The following NPC1 variants were observed in gnomAD, a reference collection of about 807,000 sequenced individuals.
The protein encoded by NPC1 is NPC intracellular cholesterol transporter 1, also known as Niemann-Pick C1 protein.
Under a neutral mutation model 140.4 loss-of-function variants are expected in NPC1, and 85 were observed. The observed-to-expected ratio is 0.61, with a 90% CI of 0.51 to 0.72. NPC1 has a LOEUF of 0.72. Among genes scored for constraint, NPC1 ranks in the 30% least tolerant of loss-of-function variants. The pLI is 0.00. For synonymous variants in NPC1, 656 were observed against 624.8 expected, an observed-to-expected ratio of 1.05 and a Z score of -0.74; for missense variants, 1,504 against 1,623.8, an observed-to-expected ratio of 0.93 and a Z score of 1.27.
intron 3 of NPC1, among the ~76,000 whole-genome samples, chr18:23,513,268 T>G (rs1262222474): frequency 1.3e-5 from 2 of 152,242 alleles, no homozygotes; most frequent in African/African-American, 2.4e-5. Flanking sequence ...TTGATTACCT[T>G]TTATACTTCA....
At chr18:23,522,133 G>A (rs533630575), downstream of NPC1, among the ~76,000 whole-genome samples, 1 of 152,358 alleles carries the variant, frequency 6.6e-6, no homozygotes, top group South Asian at 2.1e-4. Context: ...GCCCTGTCTT[G>A]CTGGACCAGC....
chr18:23,573,454 G>T lies in NPC1; in HGVS notation c.178C>A (p.Gln60Lys). The change falls in exon 2 of 25, where the codon CAG (glutamine) becomes AAG (lysine). Residue 60 changes from glutamine to lysine, a missense_variant and splice_region_variant. Coordinates refer to ENST00000269228, the MANE Select transcript of NPC1 (RefSeq NM_000271.5). Reference protein sequence around the residue: ...PLPKDGYDLVQELCPGFFFGN... With the variant: ...PLPKDGYDLVKELCPGFFFGN... ...AGTGCCTAAGATAATGAACTTACCT[G>T]CACTAAGTCATATCCATCCTTTGGC... The T allele has an allele frequency of 6.2e-7, 1 of 1,614,104 alleles. No individual in the cohort carries two copies. Among genetic ancestry groups the T allele is most frequent in the Non-Finnish European group, 8.5e-7 (1 of 1,179,990 alleles).
At chr18:23,547,013 T>G (rs1237151948) in intron 11 of NPC1, among the ~76,000 whole-genome samples, 1 of 152,188 alleles carries the variant, frequency 6.6e-6, no homozygotes, top group East Asian at 1.9e-4. Flanking sequence ...TTTAGAGACA[T>G]GCAAACATTG....
chr18:23,532,045 A>C lies in NPC1; in HGVS notation c.*157T>G, dbSNP rs1392511984. 6.3e-7 allele frequency: 1 copy of C among 1,574,854 alleles called. No individual in the cohort carries two copies. Among genetic ancestry groups the C allele is most frequent in the Non-Finnish European group, 8.6e-7 (1 of 1,162,326 alleles). ...ATACTGCTTCCCAAGTCAACTGTGC[A>C]TTCCTGAGTTCACAGGCGCTACGTT... On this transcript the variant is annotated 3_prime_UTR_variant, in exon 25 of 25. Coordinates refer to ENST00000269228, the MANE Select transcript of NPC1 (RefSeq NM_000271.5).
chr18:23,507,345 G>T (rs530471003), intron 3 of NPC1, among the ~76,000 whole-genome samples: 1 of 151,982 alleles, frequency 6.6e-6, no homozygotes, highest in Non-Finnish European at 1.5e-5. Flanking sequence ...CTGCAGCCTC[G>T]ATCTCTCAGG....
Position 23,554,695 on chromosome 18 carries a change from G to A in NPC1, c.1553+63C>T, listed in dbSNP as rs186779779. On this transcript the variant is annotated intron_variant, in intron 9 of 24. Coordinates refer to ENST00000269228, the MANE Select transcript of NPC1 (RefSeq NM_000271.5). The stretch of plus-strand genomic sequence containing the variant: ...GGTTATGCTCATAAAACAAGCTTTT[G>A]CCCATGTACCCTAAGTCAGACCCAA... The A allele has an allele frequency of 1.1e-3, 1,332 of 1,262,676 alleles. 3 individuals carry two copies. The highest frequency in any genetic ancestry group is 2.4e-3 in the Admixed American group (129 of 54,610). 78.2% of individuals were successfully genotyped at this position (1,262,676 alleles called of 1,614,324 possible).
downstream of NPC1, chr18:23,518,916 T>A: frequency 6.2e-7 from 1 of 1,614,192 alleles, no homozygotes; most frequent in Non-Finnish European, 8.5e-7. Flanking sequence ...GTTCTCTTCT[T>A]GAGGCATCAT....
At chr18:23,542,314 T>C (rs1220263327) in intron 14 of NPC1, among the ~76,000 whole-genome samples, 1 of 152,040 alleles carries the variant, frequency 6.6e-6, no homozygotes, top group African/African-American at 2.4e-5. Flanking sequence ...GGCTACAGGT[T>C]TCAAAAGCAC....
At chr18:23,528,169 T>C (rs1177736303), downstream of NPC1, 1 of 334,314 alleles carries the variant, frequency 3.0e-6, no homozygotes, top group African/African-American at 2.1e-5. Flanking sequence ...TGCCTGTAGA[T>C]CCTTGGTCTA....
intron 1 of NPC1, among the ~76,000 whole-genome samples, chr18:23,583,933 T>G (rs1196935931): frequency 6.6e-6 from 1 of 152,188 alleles, no homozygotes; most frequent in Non-Finnish European, 1.5e-5. Flanking sequence ...TCTTAATCAC[T>G]CACAGGTCAA....
chr18:23,550,017 C>G (rs2058845740), intron 10 of NPC1, among the ~76,000 whole-genome samples: 1 of 150,752 alleles, frequency 6.6e-6, no homozygotes, highest in South Asian at 2.1e-4. Context: ...ATATTTTTGT[C>G]CAGTTTTTTT....
At chr18:23,521,371 C>T (rs907270466), downstream of NPC1, among the ~76,000 whole-genome samples, 1 of 152,198 alleles carries the variant, frequency 6.6e-6, no homozygotes, top group East Asian at 1.9e-4. Context: ...TGCCTTAGCT[C>T]TGTAACGCTG....
At position 23,533,495 on chromosome 18, in the gene NPC1, G is replaced by T. The variant is rs758902805; in HGVS notation, c.3614C>A (p.Thr1205Lys). ...CAACACCACAATCCCTCCAAATTTTGTAAGTGTGATTCCACTGAACACCTA... is the reference window on the plus strand; with the variant it reads ...CAACACCACAATCCCTCCAAATTTTTTAAGTGTGATTCCACTGAACACCTA... ...GSSVFSGITL[T>K]KFGGIVVLAF... The change falls in exon 24 of 25, where the codon ACA becomes AAA. Residue 1205 changes from threonine to lysine, a missense_variant. Coordinates refer to ENST00000269228, the MANE Select transcript of NPC1 (RefSeq NM_000271.5). 6.2e-6 allele frequency: 10 copies of T among 1,614,080 alleles called. No individual in the cohort carries two copies. The highest frequency in any genetic ancestry group is 8.5e-6 in the Non-Finnish European group (10 of 1,180,016).
In NPC1 at chr18:23,531,685, T is replaced by C. The variant is rs144687654; in HGVS notation, c.*517A>G. Reference sequence around the variant, plus strand: ...CAGATTTTTGGAGACCAAGCTCTAATGAGGCCTACAACATTCTGAAATCAC... The same window carrying C: ...CAGATTTTTGGAGACCAAGCTCTAACGAGGCCTACAACATTCTGAAATCAC... On this transcript the variant is annotated 3_prime_UTR_variant, in exon 25 of 25. Coordinates refer to ENST00000269228, the MANE Select transcript of NPC1 (RefSeq NM_000271.5). 3 of 1,613,134 alleles carry C rather than the reference T, an allele frequency of 1.9e-6. No individual in the cohort carries two copies. In the South Asian group the frequency reaches 3.3e-5, roughly 18 times the overall value.
chr18:23,536,570 A>T lies in NPC1; in HGVS notation c.3245+103T>A, dbSNP rs563523869. On this transcript the variant is annotated intron_variant, in intron 21 of 24. Coordinates refer to ENST00000269228, the MANE Select transcript of NPC1 (RefSeq NM_000271.5). Reference sequence around the variant, plus strand: ...GTGCTCAGAATGGAGCAGGGGCCAGAACCCAACCTGAAAATCAGCATCTTG... The same window carrying T: ...GTGCTCAGAATGGAGCAGGGGCCAGTACCCAACCTGAAAATCAGCATCTTG... 2.3e-4 allele frequency: 227 copies of T among 1,007,430 alleles called. 2 individuals carry two copies. The African/African-American group carries it at 2.8e-3, about 13-fold the overall frequency. The allele number at this position is 1,007,430 out of a possible 1,614,324, so 62.4% of individuals were successfully genotyped here.
intron 5 of NPC1, 65 bp downstream of exon 5, chr18:23,561,295 C>T: frequency 6.4e-7 from 1 of 1,555,532 alleles, no homozygotes; most frequent in Non-Finnish European, 8.9e-7. Context: ...GCCACTGTGC[C>T]CAGCCAGTTC....
At chr18:23,559,366 A>C (rs1213616236) in intron 6 of NPC1, among the ~76,000 whole-genome samples, 1 of 152,228 alleles carries the variant, frequency 6.6e-6, no homozygotes, top group Admixed American at 6.5e-5. Context: ...TTTTTGGTTA[A>C]GTCTACAATT....
rs533668351 is a variant in NPC1, at chr18:23,546,077, C to T, written c.1758-928G>A. On this transcript the variant is annotated intron_variant, in intron 11 of 24. Transcript: ENST00000269228. ...TAGCCTGGCCAACATGGTGAAAGCC[C>T]GTCTCTACTAAAAATACAAAAATTA... 1.1e-3 allele frequency among the ~76,000 whole-genome samples: 160 copies of T among 151,658 alleles called. 3 individuals are homozygous for T. In the South Asian group the frequency reaches 0.021, roughly 20 times the overall value.
In NPC1 at chr18:23,583,868, G is replaced by C. The variant is rs542065095; in HGVS notation, c.57+2419C>G. ...ATTTCTGATCACAGCATCAGTCAAG[G>C]AGTGGGAAAGATGGGGAAAGATTTC... On this transcript the variant is annotated intron_variant, in intron 1 of 24. Transcript: ENST00000269228. 6.6e-5 allele frequency among the ~76,000 whole-genome samples: 10 copies of C among 152,274 alleles called. No individual in the cohort carries two copies. The East Asian group carries it at 1.3e-3, about 21-fold the overall frequency.
Sources: gnomAD v4.1 joint callset for allele counts (sites outside exome capture counted in the v4.1 genomes callset) on GRCh38, gnomAD v4.1.1 for gene constraint, MANE v1.5 for transcripts, NCBI Gene and HGNC (gene_info 2026-07-23, HGNC 2026-07-21) for gene names.